C1QTNF3: variants seen among roughly 807,000 people sequenced by gnomAD.
C1QTNF3 encodes the protein complement C1q tumor necrosis factor-related protein 3.
C1QTNF3 carries 26 observed loss-of-function variants against 32.6 expected under a neutral mutation model. The ratio of observed to expected loss-of-function variants is 0.80; its 90% CI spans 0.58 to 1.11. C1QTNF3 has a LOEUF of 1.11. Ranked by LOEUF, C1QTNF3 falls within the 50% of genes least tolerant of loss-of-function variation. The pLI is 0.00. For missense variants in C1QTNF3, 362 were observed against 398.2 expected, an observed-to-expected ratio of 0.91 and a Z score of 0.77; for synonymous variants, 155 against 146.0, an observed-to-expected ratio of 1.06 and a Z score of -0.44.
Position 34,028,849 on chromosome 5 carries a change from C to A in C1QTNF3, c.605G>T (p.Ser202Ile). The change falls in exon 4 of 6, where the codon AGC becomes ATC. Residue 202 changes from serine (S) to isoleucine (I), a missense_variant. Physicochemically the swap from Ser to Ile is moderately radical, Grantham distance 142. Transcript: ENST00000382065. ...GAAGATAATCCCACTGTTCTGATTG[C>A]TGAAGTGGGTTGCCAGAGAAGCCAT... Reference protein sequence around the residue: ...AFMASLATHFSNQNSGIIFSS... With the variant: ...AFMASLATHFINQNSGIIFSS... 6.2e-7 allele frequency: 1 copy of A among 1,611,820 alleles called. No individual in the cohort carries two copies. Among genetic ancestry groups the A allele is most frequent in the Non-Finnish European group, 8.5e-7 (1 of 1,178,708 alleles).
At chr5:34,140,680 T>TA in the C1QTNF3 span, among the ~76,000 whole-genome samples, 6 of 152,106 alleles carry the variant, frequency 3.9e-5, no homozygotes, top group South Asian at 1.0e-3. Context: ...GTGGTAAAAT[T>TA]AAAAAAATTC....
the C1QTNF3 span, among the ~76,000 whole-genome samples, chr5:34,230,845 C>G: frequency 6.6e-6 from 1 of 151,944 alleles, no homozygotes; most frequent in Non-Finnish European, 1.5e-5. Flanking sequence ...GTCTATGTTC[C>G]TTTTGCTTTT....
chr5:34,043,253 TAATA>T, upstream of C1QTNF3: 1 of 984,146 alleles, frequency 1.0e-6, no homozygotes, highest in Non-Finnish European at 1.5e-6. Flanking sequence ...CTTTGGTGTG[TAATA>T]AATAAGGCTG....
At chr5:34,054,693 T>C in the C1QTNF3 span, among the ~76,000 whole-genome samples, 1 of 152,166 alleles carries the variant, frequency 6.6e-6, no homozygotes, top group East Asian at 1.9e-4. Flanking sequence ...TATCAGCACA[T>C]GGAAAAATAG....
the C1QTNF3 span, among the ~76,000 whole-genome samples, chr5:34,069,797 C>T: frequency 1.3e-5 from 2 of 152,108 alleles, no homozygotes; most frequent in African/African-American, 4.8e-5. Flanking sequence ...CTCTTATATT[C>T]ATCCACCATT....
chr5:34,225,714 C>A, the C1QTNF3 span, among the ~76,000 whole-genome samples: 1 of 151,908 alleles, frequency 6.6e-6, no homozygotes, highest in South Asian at 2.1e-4. Flanking sequence ...CTTGGGTCTT[C>A]CTTCAATCTT....
chr5:34,097,025 C>G, the C1QTNF3 span, among the ~76,000 whole-genome samples: 1 of 151,674 alleles, frequency 6.6e-6, no homozygotes, highest in African/African-American at 2.4e-5. Context: ...AGTAAATTAA[C>G]AAATTTTAGC....
chr5:34,197,774 A>T, the C1QTNF3 span, among the ~76,000 whole-genome samples: 5 of 152,172 alleles, frequency 3.3e-5, no homozygotes, highest in South Asian at 4.2e-4. Flanking sequence ...AGGGTAGCTT[A>T]TAAACAACAG....
At chr5:34,218,095 T>C in the C1QTNF3 span, among the ~76,000 whole-genome samples, 1 of 151,080 alleles carries the variant, frequency 6.6e-6, no homozygotes, top group Non-Finnish European at 1.5e-5. Context: ...AATCAACAAA[T>C]AAGAATAAAA....
At chr5:34,058,694 A>G in the C1QTNF3 span, among the ~76,000 whole-genome samples, 1 of 152,188 alleles carries the variant, frequency 6.6e-6, no homozygotes, top group East Asian at 1.9e-4. Context: ...GGAGTGGGTC[A>G]GGTCACAGGC....
At chr5:34,089,126 T>C in the C1QTNF3 span, among the ~76,000 whole-genome samples, 1 of 152,146 alleles carries the variant, frequency 6.6e-6, no homozygotes, top group Non-Finnish European at 1.5e-5. Flanking sequence ...GTGAAGCAGT[T>C]TCAAGAAAAT....
chr5:34,146,754 C>T, the C1QTNF3 span, among the ~76,000 whole-genome samples: 51 of 151,960 alleles, frequency 3.4e-4, no homozygotes, highest in African/African-American at 1.2e-3. Context: ...GTGGCCATGG[C>T]CAATAATTTT....
intron 2 of C1QTNF3, among the ~76,000 whole-genome samples, chr5:34,033,933 G>T (rs1048214291): frequency 6.6e-6 from 1 of 152,206 alleles, no homozygotes; most frequent in African/African-American, 2.4e-5. Context: ...AAGCCACAGT[G>T]GGAGGATCAC....
chr5:34,154,730 C>A, the C1QTNF3 span, among the ~76,000 whole-genome samples: 1 of 152,002 alleles, frequency 6.6e-6, no homozygotes, highest in South Asian at 2.1e-4. Flanking sequence ...GGAAGTAGGA[C>A]ATGATAAAGA....
At chr5:34,031,588 T>A (rs1049709923) in intron 3 of C1QTNF3, among the ~76,000 whole-genome samples, 8 of 152,268 alleles carry the variant, frequency 5.3e-5, no homozygotes, top group African/African-American at 1.9e-4. Context: ...ATCCCAGCAC[T>A]TTGGGAGGCC....
At chr5:34,209,428 T>C in the C1QTNF3 span, among the ~76,000 whole-genome samples, 7 of 151,072 alleles carry the variant, frequency 4.6e-5, no homozygotes, top group East Asian at 1.2e-3. Flanking sequence ...TAAAAGTTAA[T>C]AAATAAAGTA....
the C1QTNF3 span, among the ~76,000 whole-genome samples, chr5:34,137,581 C>G: frequency 2.0e-5 from 3 of 152,204 alleles, no homozygotes; most frequent in Admixed American, 1.3e-4. Context: ...GCAGTCTAGT[C>G]TAACTCCATT....
upstream of C1QTNF3, among the ~76,000 whole-genome samples, chr5:34,047,748 T>G (rs1268895363): frequency 6.6e-6 from 1 of 152,182 alleles, no homozygotes; most frequent in Non-Finnish European, 1.5e-5. Flanking sequence ...GATGAGGTAG[T>G]TTAGCTGTAT....
upstream of C1QTNF3, chr5:34,043,439 C>A: frequency 2.8e-6 from 1 of 353,730 alleles, no homozygotes; most frequent in South Asian, 4.2e-5. Context: ...CATACACAAC[C>A]AGCTGGGAAC....
Sources: gnomAD v4.1 joint callset for allele counts (sites outside exome capture counted in the v4.1 genomes callset) on GRCh38, gnomAD v4.1.1 for gene constraint, MANE v1.5 for transcripts, NCBI Gene and HGNC (gene_info 2026-07-23, HGNC 2026-07-21) for gene names.